TTK: variants seen among roughly 807,000 people sequenced by gnomAD.
The protein encoded by TTK is TTK protein kinase, also known as dual specificity protein kinase TTK.
A neutral mutation model predicts 117.3 loss-of-function variants in TTK; 59 were observed. That is an observed-to-expected ratio of 0.50 (90% CI 0.41 to 0.62). The LOEUF is 0.62. Ranked by LOEUF, TTK falls within the 20% of genes least tolerant of loss-of-function variation. The pLI is 0.00. For synonymous variants in TTK, 302 were observed against 325.0 expected (o/e 0.93, Z 0.76); for missense variants, 921 against 989.4 (o/e 0.93, Z 0.93).
At position 80,007,778 on chromosome 6, in the gene TTK, T is replaced by C. The variant is rs953600717; in HGVS notation, c.140-31T>C. On this transcript the variant is annotated intron_variant, in intron 2 of 21. Coordinates refer to ENST00000369798, the MANE Select transcript of TTK (RefSeq NM_003318.5). ...AATTTGGCATTTGTTTTATGTCTTT[T>C]CTTGTGATATATTTTGTTCCCCTTA... 6 of 1,558,076 alleles carry C rather than the reference T, an allele frequency of 3.9e-6. No homozygotes were observed. In the African/African-American group the frequency reaches 8.2e-5, roughly 21 times the overall value.
In TTK at chr6:80,010,785, A is replaced by C. The variant is rs199756348; in HGVS notation, c.470-29A>C. The C allele has an allele frequency of 1.2e-4, 169 of 1,467,554 alleles. No homozygotes were observed. The African/African-American group carries it at 2.4e-3, about 21-fold the overall frequency. 90.9% of individuals were successfully genotyped at this position (1,467,554 alleles called of 1,614,324 possible). A position where few individuals can be genotyped will look rare whatever the true frequency, so the allele number is the denominator to read the frequency against. ...TGGGTGGTGGGCATTTTACTGCCTA[A>C]AAATGACAATTATCTTTTGCTTTGT... is the stretch of plus-strand genomic sequence containing the variant. On this transcript the variant is annotated intron_variant, in intron 4 of 21. Transcript: ENST00000369798.
At chr6:80,020,120 C>G (rs1387211886) in intron 10 of TTK, among the ~76,000 whole-genome samples, 1 of 152,144 alleles carries the variant, frequency 6.6e-6, no homozygotes, top group Non-Finnish European at 1.5e-5. Flanking sequence ...ACCTCAGAAT[C>G]TAGCCATAAG....
rs1445652276 is a variant in TTK, at chr6:80,011,951, T to C, written c.867T>C (p.Asp289=). ...GCCCAGATTGTGATGTGAAGACAGA[T>C]GATTCAGTTGTACCTTGTTTTATGA... ...LNSPDCDVKT[D]DSVVPCFMKR... The change falls in exon 8 of 22, where the codon GAT becomes GAC. Residue 289 remains aspartate, a synonymous_variant. Transcript: ENST00000369798. 6.2e-7 allele frequency: 1 copy of C among 1,611,650 alleles called. No individual in the cohort carries two copies. Among genetic ancestry groups the C allele is most frequent in the East Asian group, 2.2e-5 (1 of 44,770 alleles).
chr6:80,024,402 A>G (rs1021512986), intron 11 of TTK, among the ~76,000 whole-genome samples: 2 of 152,244 alleles, frequency 1.3e-5, no homozygotes, highest in African/African-American at 4.8e-5. Context: ...CATCCATACA[A>G]TGGAATGTTA....
rs568216122 is a variant in TTK at position 80,015,592 on chromosome 6, G to A, written c.1108+1006G>A. Among the ~76,000 whole-genome samples, 3 of 152,260 alleles carry A rather than the reference G, an allele frequency of 2.0e-5. No individual in the cohort carries two copies. In the South Asian group the frequency reaches 6.2e-4, roughly 32 times the overall value. On this transcript the variant is annotated intron_variant, in intron 10 of 21. Coordinates refer to ENST00000369798, the MANE Select transcript of TTK (RefSeq NM_003318.5). ...ACACACACAAAAAAACATTATTTTG[G>A]TTGGGAACAGATTCTTATTCCTAGC...
chr6:80,009,613 C>T (rs1334749698), intron 4 of TTK, among the ~76,000 whole-genome samples: 1 of 151,990 alleles, frequency 6.6e-6, no homozygotes, highest in East Asian at 1.9e-4. Context: ...TATTGAAACT[C>T]TTAAATTGAG....
At position 80,006,000 on chromosome 6, in the gene TTK, T is replaced by C. The variant is rs749720785; in HGVS notation, c.139+18T>C. The C allele has an allele frequency of 4.4e-6, 7 of 1,596,528 alleles. No individual in the cohort carries two copies. Among genetic ancestry groups the C allele is most frequent in the African/African-American group, 1.4e-5 (1 of 73,480 alleles). ...TACTACAGGTGAGTTTTTCTTTTCT[T>C]TTAAGTTAGTAACTGTTTGTTGGGT... is the stretch of plus-strand genomic sequence containing the variant. On this transcript the variant is annotated intron_variant, in intron 2 of 21. Coordinates refer to ENST00000369798, the MANE Select transcript of TTK (RefSeq NM_003318.5).
At chr6:80,039,167 T>G (rs1767982166) in intron 18 of TTK, among the ~76,000 whole-genome samples, 1 of 152,084 alleles carries the variant, frequency 6.6e-6, no homozygotes, top group East Asian at 1.9e-4. Context: ...CTGAATTAGT[T>G]TTTTACTTTG....
chr6:80,038,066 A>C lies in TTK; in HGVS notation c.2130+19A>C. On this transcript the variant is annotated intron_variant, in intron 18 of 21. Coordinates refer to ENST00000369798, the MANE Select transcript of TTK (RefSeq NM_003318.5). The stretch of plus-strand genomic sequence containing the variant: ...GTCAAAGGTACTGAAAAGATTATTT[A>C]CATCACAATTATCTGGCAACAGTAG... 1 of 1,537,878 alleles carries C rather than the reference A, an allele frequency of 6.5e-7. No individual in the cohort carries two copies. Among genetic ancestry groups the C allele is most frequent in the Non-Finnish European group, 8.9e-7 (1 of 1,118,768 alleles).
At chr6:80,033,797 A>G (rs1767819901) in intron 14 of TTK, among the ~76,000 whole-genome samples, 1 of 152,186 alleles carries the variant, frequency 6.6e-6, no homozygotes, top group African/African-American at 2.4e-5. Context: ...TATTGGTTTC[A>G]TTATACATTT....
At chr6:80,006,148 C>G (rs377275832) in intron 2 of TTK, 166 bp downstream of exon 2, 1 of 848,088 alleles carries the variant, frequency 1.2e-6, no homozygotes, top group Non-Finnish European at 1.9e-6. Flanking sequence ...GTTATATCCA[C>G]AGAACTTTGA....
chr6:80,021,978 G>C (rs992090272), intron 10 of TTK, among the ~76,000 whole-genome samples: 7 of 152,124 alleles, frequency 4.6e-5, no homozygotes, highest in African/African-American at 1.7e-4. Context: ...TTGGATACTC[G>C]GTCTATGAAA....
chr6:80,007,102 C>T (rs1463409518), intron 2 of TTK, among the ~76,000 whole-genome samples: 1 of 152,076 alleles, frequency 6.6e-6, no homozygotes, highest in Non-Finnish European at 1.5e-5. Context: ...GTTATTCTTG[C>T]TGTTTCTGTT....
chr6:80,015,481 T>G (rs1375700309), intron 10 of TTK, among the ~76,000 whole-genome samples: 1 of 152,176 alleles, frequency 6.6e-6, no homozygotes, highest in Non-Finnish European at 1.5e-5. Flanking sequence ...GAGGAGGGAC[T>G]TTGGGACAAA....
intron 18 of TTK, 112 bp downstream of exon 18, chr6:80,038,159 C>A: frequency 1.7e-6 from 1 of 599,516 alleles, no homozygotes; most frequent in Non-Finnish European, 2.6e-6. Context: ...CTTTTTAGGC[C>A]ATTACAGAGA....
chr6:80,027,850 A>G (rs1340101028), intron 12 of TTK, 35 bp from the exon 13 acceptor site: 2 of 1,406,892 alleles, frequency 1.4e-6, no homozygotes, highest in Non-Finnish European at 1.9e-6. Context: ...GTTAAATTGT[A>G]ATGTTTTAAA....
chr6:80,012,903 C>T (rs1421367416), intron 8 of TTK, among the ~76,000 whole-genome samples: 1 of 152,032 alleles, frequency 6.6e-6, no homozygotes, highest in African/African-American at 2.4e-5. Flanking sequence ...TATCGATAGA[C>T]AATGCTAGGT....
At chr6:80,007,178 C>A (rs73747961) in intron 2 of TTK, among the ~76,000 whole-genome samples, 10,542 of 152,118 alleles carry the variant, frequency 0.069, 413 homozygotes, top group South Asian at 0.12. Context: ...AAGGTCTAGA[C>A]CACGGTAACT....
chr6:80,035,898 T>C (rs1260552396), intron 16 of TTK, among the ~76,000 whole-genome samples: 1 of 152,120 alleles, frequency 6.6e-6, no homozygotes, highest in Non-Finnish European at 1.5e-5. Flanking sequence ...TGCCTTTACC[T>C]TATCCTATAT....
Sources: allele counts gnomAD v4.1 joint callset (sites outside exome capture counted in the v4.1 genomes callset), GRCh38; gene constraint gnomAD v4.1.1; transcripts MANE v1.5; gene names NCBI Gene and HGNC (gene_info 2026-07-23, HGNC 2026-07-21).